KCNH7: variants seen among roughly 807,000 people sequenced by gnomAD.
KCNH7 encodes the protein potassium voltage-gated channel subfamily H member 7.
A neutral mutation model predicts 120.8 loss-of-function variants in KCNH7; 49 were observed. The ratio of observed to expected loss-of-function variants is 0.41; its 90% confidence interval spans 0.32 to 0.51. KCNH7 has a LOEUF of 0.51. Ranked by LOEUF, KCNH7 falls within the 20% of genes least tolerant of loss-of-function variation. The probability of loss-of-function intolerance (pLI) is 0.38; values close to 1 mark genes in which losing one functional copy is unlikely to be tolerated. For missense variants in KCNH7, 1,097 were observed against 1,446.6 expected (o/e 0.76, Z 3.92); for synonymous variants, 547 against 516.1 (o/e 1.06, Z -0.81).
At chr2:162,766,181 G>T (rs1265676223) in intron 2 of KCNH7, among the ~76,000 whole-genome samples, 1 of 151,912 alleles carries the variant, frequency 6.6e-6, no homozygotes, top group Non-Finnish European at 1.5e-5. Flanking sequence ...GTGTGTGTGT[G>T]TTTTGTGTGT....
chr2:162,774,639 T>C (rs1683170837), intron 2 of KCNH7, among the ~76,000 whole-genome samples: 1 of 152,178 alleles, frequency 6.6e-6, no homozygotes, highest in Non-Finnish European at 1.5e-5. Flanking sequence ...TCAGTAAATA[T>C]ATTTCTTTAA....
At chr2:162,795,730 T>C (rs1684122174) in intron 2 of KCNH7, 1 of 152,078 alleles carries the variant, frequency 6.6e-6, no homozygotes, top group Admixed American at 6.6e-5. Context: ...ACATACCAAA[T>C]ATGAGTACAC....
intron 2 of KCNH7, among the ~76,000 whole-genome samples, chr2:162,538,677 C>T (rs1165507512): frequency 6.6e-6 from 1 of 152,050 alleles, no homozygotes; most frequent in Non-Finnish European, 1.5e-5. Context: ...GCTCCTGCTG[C>T]TAGAGCTGAG....
At chr2:162,447,841 TTAAA>T (rs1688635295) in intron 6 of KCNH7, among the ~76,000 whole-genome samples, 1 of 152,090 alleles carries the variant, frequency 6.6e-6, no homozygotes, top group South Asian at 2.1e-4. Flanking sequence ...ACTTTGAAAG[TTAAA>T]TAACCCCAAA....
At chr2:162,532,460 G>A (rs915607694) in intron 3 of KCNH7, among the ~76,000 whole-genome samples, 20 of 151,880 alleles carry the variant, frequency 1.3e-4, no homozygotes, top group Admixed American at 4.6e-4. Context: ...GCAGGTTGAC[G>A]TCAGACTACT....
At chr2:162,516,303 C>A (rs989578293) in intron 4 of KCNH7, among the ~76,000 whole-genome samples, 6 of 151,698 alleles carry the variant, frequency 4.0e-5, no homozygotes, top group Non-Finnish European at 7.4e-5. Context: ...GGTTTGCACA[C>A]TCGAGTGTGA....
intron 2 of KCNH7, among the ~76,000 whole-genome samples, chr2:162,736,650 A>T (rs1368968439): frequency 1.3e-5 from 2 of 152,178 alleles, no homozygotes; most frequent in Non-Finnish European, 2.9e-5. Flanking sequence ...GCTGCAATTT[A>T]TGAGGTGACC....
intron 2 of KCNH7, among the ~76,000 whole-genome samples, chr2:162,705,952 C>T (rs1686684352): frequency 1.3e-5 from 2 of 152,224 alleles, no homozygotes; most frequent in African/African-American, 4.8e-5. Flanking sequence ...AGAAAGAAAA[C>T]ACATTCTACA....
In KCNH7 at chr2:162,446,095, A is replaced by G; in HGVS notation, c.1477T>C (p.Phe493Leu). Residue 493 changes from phenylalanine (F) to leucine (L), a missense_variant, in exon 7 of 16, where the codon TTC becomes CTC. By Grantham distance (22) the Phe-to-Leu change is conservative (BLOSUM62 0). This residue lies in a region of KCNH7 where 109 missense variants were observed against 196.8 expected (regional missense o/e 0.55). Coordinates refer to ENST00000332142, the MANE Select transcript of KCNH7 (RefSeq NM_033272.4). ...SDPAKIAIHY[F>L]KGWFLIDMVA... ...ATGTCAATCAGGAACCAGCCTTTGA[A>G]GTAGTGTATTGCTATTTTGGCGGGA... The G allele has an allele frequency of 6.2e-7, 1 of 1,613,920 alleles. No individual in the cohort carries two copies.
At chr2:162,640,520 A>T (rs1199223444) in intron 2 of KCNH7, among the ~76,000 whole-genome samples, 2 of 152,104 alleles carry the variant, frequency 1.3e-5, no homozygotes, top group Non-Finnish European at 2.9e-5. Flanking sequence ...ATGAAATTTG[A>T]CCCAAGTCTC....
intron 2 of KCNH7, among the ~76,000 whole-genome samples, chr2:162,773,210 G>A (rs1367588670): frequency 6.6e-6 from 1 of 152,152 alleles, no homozygotes; most frequent in Non-Finnish European, 1.5e-5. Context: ...AATAGAGGCC[G>A]GGCATAGTAG....
At chr2:162,781,826 T>C (rs1198887917) in intron 2 of KCNH7, among the ~76,000 whole-genome samples, 1 of 152,108 alleles carries the variant, frequency 6.6e-6, no homozygotes, top group African/African-American at 2.4e-5. Flanking sequence ...ACACATTGCT[T>C]AAAATGTCTG....
chr2:162,684,259 T>A (rs573235004), intron 2 of KCNH7, among the ~76,000 whole-genome samples: 1 of 152,038 alleles, frequency 6.6e-6, no homozygotes, highest in Non-Finnish European at 1.5e-5. Context: ...GAAGAAAACA[T>A]AGGCAATACC....
intron 2 of KCNH7, among the ~76,000 whole-genome samples, chr2:162,582,102 C>T (rs1693888705): frequency 6.6e-6 from 1 of 152,016 alleles, no homozygotes; most frequent in South Asian, 2.1e-4. Context: ...ACAATACTTC[C>T]CCGTGCAGTC....
chr2:162,492,841 T>C (rs1690354994), intron 6 of KCNH7, among the ~76,000 whole-genome samples: 1 of 149,866 alleles, frequency 6.7e-6, no homozygotes, highest in African/African-American at 2.4e-5. Context: ...AAAAGGACTC[T>C]ATGTTTTTCT....
intron 2 of KCNH7, among the ~76,000 whole-genome samples, chr2:162,789,978 A>T (rs2105515266): frequency 6.6e-6 from 1 of 152,038 alleles, no homozygotes; most frequent in Non-Finnish European, 1.5e-5. Flanking sequence ...ATTAACAGAA[A>T]AAAATCAAAC....
At chr2:162,609,804 G>C (rs1682900418) in intron 2 of KCNH7, among the ~76,000 whole-genome samples, 1 of 152,120 alleles carries the variant, frequency 6.6e-6, no homozygotes, top group South Asian at 2.1e-4. Context: ...TCAACAATTT[G>C]AATGGGTGGA....
chr2:162,583,149 A>G (rs1693933418), intron 2 of KCNH7, among the ~76,000 whole-genome samples: 1 of 152,072 alleles, frequency 6.6e-6, no homozygotes. Flanking sequence ...TAATAGCTGT[A>G]AACTGTAATT....
At chr2:162,472,282 A>G (rs993498248) in intron 6 of KCNH7, among the ~76,000 whole-genome samples, 6 of 152,218 alleles carry the variant, frequency 3.9e-5, no homozygotes, top group African/African-American at 1.4e-4. Flanking sequence ...AAAAGAAACT[A>G]CCATGAGAGT....
Sources: gnomAD v4.1 joint callset for allele counts (sites outside exome capture counted in the v4.1 genomes callset) on GRCh38, gnomAD v4.1.1 for gene constraint, gnomAD v4.1.1 regional missense constraint, MANE v1.5 for transcripts, NCBI Gene and HGNC (gene_info 2026-07-23, HGNC 2026-07-21) for gene names.